Variants in PRSS50 observed in about 807,000 individuals in gnomAD.
PRSS50 encodes the protein probable threonine protease PRSS50.
A neutral mutation model predicts 34.2 loss-of-function variants in PRSS50; 23 were observed. The observed-to-expected ratio is 0.67, with a 90% CI of 0.48 to 0.95. PRSS50 has a LOEUF of 0.95. Ranked by LOEUF, PRSS50 falls within the 40% of genes least tolerant of loss-of-function variation. PRSS50 has a pLI of 0.00. For synonymous variants in PRSS50, 224 were observed against 211.2 expected (o/e 1.06, Z -0.53); for missense variants, 484 against 513.4 (o/e 0.94, Z 0.55).
Position 46,717,478 on chromosome 3 carries a change from G to T in PRSS50, c.266C>A (p.Thr89Asn). 6.2e-7 allele frequency: 1 copy of T among 1,613,920 alleles called. No homozygotes were observed. The highest frequency in any genetic ancestry group is 8.5e-7 in the Non-Finnish European group (1 of 1,180,010). ...TQTLPSTTMETQFPVSEGKVD... is the reference protein window; with the variant it reads ...TQTLPSTTMENQFPVSEGKVD... The stretch of plus-strand genomic sequence containing the variant: ...TTTGCCTTCAGAAACTGGGAATTGG[G>T]TCTCCATGGTGGTCGAGGGCAGTGT... Residue 89 changes from threonine (T) to asparagine (N), a missense_variant, in exon 2 of 6, where the codon ACC becomes AAC. Thr to Asn is a moderately conservative substitution (Grantham distance 65). Coordinates refer to ENST00000315170, the MANE Select transcript of PRSS50 (RefSeq NM_013270.5). This position sits in a 1 kb window ranked among gnomAD's most constrained non-coding sequence, Gnocchi z 4.5.
At position 46,712,230 on chromosome 3, in the gene PRSS50, G is replaced by A; in HGVS notation, c.*16C>T. On this transcript the variant is annotated 3_prime_UTR_variant, in exon 6 of 6. Coordinates refer to ENST00000315170, the MANE Select transcript of PRSS50 (RefSeq NM_013270.5). Reference sequence around the variant, plus strand: ...GGAGGCAAGGGGGGCCCACAAGTGAGGGAGGGCACACAGAGTCAGAGGGCA... The same window carrying A: ...GGAGGCAAGGGGGGCCCACAAGTGAAGGAGGGCACACAGAGTCAGAGGGCA... 1 of 1,589,670 alleles carries A rather than the reference G, an allele frequency of 6.3e-7. No homozygotes were observed. Among genetic ancestry groups the A allele is most frequent in the African/African-American group, 1.3e-5 (1 of 74,588 alleles).
At chr3:46,714,836 T>C (rs1175606663) in intron 3 of PRSS50, among the ~76,000 whole-genome samples, 1 of 152,330 alleles carries the variant, frequency 6.6e-6, no homozygotes, top group East Asian at 1.9e-4. Context: ...GTCCATAGCA[T>C]GGACTCTTTC....
chr3:46,716,380 T>C lies in PRSS50; in HGVS notation c.308-683A>G, dbSNP rs972436674. On this transcript the variant is annotated intron_variant, in intron 2 of 5. Transcript: ENST00000315170. The surrounding 1 kb of genome is among the most constrained non-coding windows in gnomAD (Gnocchi z 4.4). ...AAATGATCTTCCCACCTCAGCCTCC[T>C]GAATAGCTGGGACTACAGGCACACA... Among the ~76,000 whole-genome samples, 2 of 152,162 alleles carry C rather than the reference T, an allele frequency of 1.3e-5. No individual in the cohort carries two copies. Among genetic ancestry groups the C allele is most frequent in the African/African-American group, 4.8e-5 (2 of 41,438 alleles).
At position 46,713,598 on chromosome 3, in the gene PRSS50, G is replaced by A. The variant is rs150355051; in HGVS notation, c.755-531C>T. Among the ~76,000 whole-genome samples the A allele has an allele frequency of 9.1e-4, 138 of 152,384 alleles. 2 individuals carry two copies. Among genetic ancestry groups the A allele is most frequent in the African/African-American group, 3.2e-3 (135 of 41,596 alleles). ...ACATGGGCTGAAGCCCCCTTGAGCT[G>A]TTTTGAGAGTAAGTTGGTTCCTTGA... On this transcript the variant is annotated intron_variant, in intron 4 of 5. Coordinates refer to ENST00000315170, the MANE Select transcript of PRSS50 (RefSeq NM_013270.5).
chr3:46,716,099 C>G lies in PRSS50; in HGVS notation c.308-402G>C, dbSNP rs1374484726. On this transcript the variant is annotated intron_variant, in intron 2 of 5. Coordinates refer to ENST00000315170, the MANE Select transcript of PRSS50 (RefSeq NM_013270.5). The surrounding 1 kb of genome is among the most constrained non-coding windows in gnomAD (Gnocchi z 4.4). ...GAGCTCTCTCCCTCCTCTGGGAACC[C>G]CTTTCTGTGGCTCAGTGAGAGGAAA... Among the ~76,000 whole-genome samples the G allele has an allele frequency of 6.6e-6, 1 of 152,188 alleles. No homozygotes were observed. Among genetic ancestry groups the G allele is most frequent in the African/African-American group, 2.4e-5 (1 of 41,444 alleles).
chr3:46,716,044 C>T lies in PRSS50; in HGVS notation c.308-347G>A, dbSNP rs1700679905. On this transcript the variant is annotated intron_variant, in intron 2 of 5. Coordinates refer to ENST00000315170, the MANE Select transcript of PRSS50 (RefSeq NM_013270.5). The surrounding 1 kb of genome is among the most constrained non-coding windows in gnomAD (Gnocchi z 4.4). ...GTTCTCATTTCCACCTGGTTCCACC[C>T]TCACCATGTCCCCTACTTCAGCCAA... Among the ~76,000 whole-genome samples the T allele has an allele frequency of 6.6e-6, 1 of 152,216 alleles. No homozygotes were observed. Among genetic ancestry groups the T allele is most frequent in the Non-Finnish European group, 1.5e-5 (1 of 68,042 alleles).
chr3:46,712,487 G>A lies in PRSS50; in HGVS notation c.922-5C>T, dbSNP rs148857824. The stretch of plus-strand genomic sequence containing the variant: ...CAAGGGCTCTCCAGTTAGCTCCTGT[G>A]GGAAGGGTTGGGGGAGTAAGGGTCA... On this transcript the variant is annotated splice_polypyrimidine_tract_variant and splice_region_variant and intron_variant, in intron 5 of 5. Transcript: ENST00000315170. The A allele has an allele frequency of 6.6e-4, 1,073 of 1,613,586 alleles. 4 individuals are homozygous for A. Among genetic ancestry groups the A allele is most frequent in the Admixed American group, 6.7e-5 (4 of 60,000 alleles).
intron 5 of PRSS50, among the ~76,000 whole-genome samples, 170 bp downstream of exon 5, chr3:46,712,730 GC>G (rs1229350583): frequency 1.4e-5 from 1 of 73,342 alleles, no homozygotes; most frequent in Non-Finnish European, 2.7e-5. Context: ...CCCATTCCCA[GC>G]CCCCATCTGT....
Position 46,717,326 on chromosome 3 carries a change from T to G in PRSS50, c.307+111A>C. 2.4e-6 allele frequency: 3 copies of G among 1,225,830 alleles called. No individual in the cohort carries two copies. Among genetic ancestry groups the G allele is most frequent in the Middle Eastern group, 2.7e-4 (1 of 3,700 alleles). The allele number at this position is 1,225,830 out of a possible 1,614,324, so 75.9% of individuals were successfully genotyped here. ...AATGAACACCTGTAGAAGGAGGCGC[T>G]CCTCTATCCTGCTCGCCCCCGTCCC... is the stretch of plus-strand genomic sequence containing the variant. On this transcript the variant is annotated intron_variant, in intron 2 of 5. Coordinates refer to ENST00000315170, the MANE Select transcript of PRSS50 (RefSeq NM_013270.5). This position sits in a 1 kb window ranked among gnomAD's most constrained non-coding sequence, Gnocchi z 4.5.
In PRSS50 at chr3:46,712,157, C is replaced by T; in HGVS notation, c.*89G>A. 8.5e-7 allele frequency: 1 copy of T among 1,175,582 alleles called. No homozygotes were observed. Among genetic ancestry groups the T allele is most frequent in the South Asian group, 1.5e-5 (1 of 67,880 alleles). 72.8% of individuals were successfully genotyped at this position (1,175,582 alleles called of 1,614,324 possible). On this transcript the variant is annotated 3_prime_UTR_variant, in exon 6 of 6. Transcript: ENST00000315170. ...TGTTTAATTGAGCACCTCATCTCCACCCTGACTCTCAGGGCTGTGACAGCT... is the reference window on the plus strand; with the variant it reads ...TGTTTAATTGAGCACCTCATCTCCATCCTGACTCTCAGGGCTGTGACAGCT...
Position 46,712,223 on chromosome 3 carries a change from CA to C in PRSS50, c.*22del. ...TGGGCACGGAGGCAAGGGGGGCCCA[CA>C]AGTGAGGGAGGGCACACAGAGTCAG... On this transcript the variant is annotated 3_prime_UTR_variant, in exon 6 of 6. Coordinates refer to ENST00000315170, the MANE Select transcript of PRSS50 (RefSeq NM_013270.5). 6.3e-7 allele frequency: 1 copy of C among 1,584,654 alleles called. No individual in the cohort carries two copies. The highest frequency in any genetic ancestry group is 1.3e-5 in the African/African-American group (1 of 74,526).
chr3:46,717,842 C>T lies in PRSS50; in HGVS notation c.-18G>A. 6.8e-7 allele frequency: 1 copy of T among 1,479,938 alleles called. No homozygotes were observed. Among genetic ancestry groups the T allele is most frequent in the Non-Finnish European group, 8.9e-7 (1 of 1,117,796 alleles). The allele number at this position is 1,479,938 out of a possible 1,614,324, so 91.7% of individuals were successfully genotyped here. ...CGACCCATCCCGGGGTGGCAGCCGACTGCGTCTCTCCGGAAGGCGCTCCCA... is the reference window on the plus strand; with the variant it reads ...CGACCCATCCCGGGGTGGCAGCCGATTGCGTCTCTCCGGAAGGCGCTCCCA... On this transcript the variant is annotated 5_prime_UTR_variant, in exon 1 of 6. Transcript: ENST00000315170. The surrounding 1 kb of genome is among the most constrained non-coding windows in gnomAD (Gnocchi z 4.5).
intron 4 of PRSS50, among the ~76,000 whole-genome samples, chr3:46,713,808 C>G (rs1700646950): frequency 6.6e-6 from 1 of 152,232 alleles, no homozygotes; most frequent in African/African-American, 2.4e-5. Flanking sequence ...CTGCAGACGG[C>G]CCCTAGCCAG....
Position 46,715,582 on chromosome 3 carries a change from G to C in PRSS50, c.423C>G (p.Thr141=). 1 of 1,613,856 alleles carries C rather than the reference G, an allele frequency of 6.2e-7. No individual in the cohort carries two copies. Among genetic ancestry groups the C allele is most frequent in the Non-Finnish European group, 8.5e-7 (1 of 1,179,850 alleles). Residue 141 remains threonine, a synonymous_variant, in exon 3 of 6, where the codon ACC becomes ACG. Transcript: ENST00000315170. This position sits in a 1 kb window ranked among gnomAD's most constrained non-coding sequence, Gnocchi z 5.2. Reference sequence around the variant, plus strand: ...TCAGCACCCACTGGGAGGCAATGATGGTGCCGGCACAGATGTGTGTGCCAT... The same window carrying C: ...TCAGCACCCACTGGGAGGCAATGATCGTGCCGGCACAGATGTGTGTGCCAT... ...RANGTHICAG[T]IIASQWVLTV...
In PRSS50 at chr3:46,717,799, G is replaced by C. The variant is rs1412540543; in HGVS notation, c.26C>G (p.Ala9Gly). Reference sequence around the variant, plus strand: ...AGACGTCCGGGGGCGCTGCCCGCGCGCGACGGTCTGGCACCAGCGACCCAT... The same window carrying C: ...AGACGTCCGGGGGCGCTGCCCGCGCCCGACGGTCTGGCACCAGCGACCCAT... MGRWCQTVARGQRPRTSAP... is the reference protein window; with the variant it reads MGRWCQTVGRGQRPRTSAP... The change falls in exon 1 of 6, where the codon GCG becomes GGG. Residue 9 changes from alanine to glycine, a missense_variant. Transcript: ENST00000315170. This position sits in a 1 kb window ranked among gnomAD's most constrained non-coding sequence, Gnocchi z 4.5. 6.5e-7 allele frequency: 1 copy of C among 1,543,234 alleles called. No individual in the cohort carries two copies. Among genetic ancestry groups the C allele is most frequent in the East Asian group, 2.4e-5 (1 of 41,096 alleles).
intron 4 of PRSS50, 108 bp downstream of exon 4, chr3:46,714,110 G>A: frequency 1.4e-6 from 2 of 1,410,742 alleles, no homozygotes; most frequent in Non-Finnish European, 1.9e-6. Context: ...GGAGCGGCAG[G>A]CTCCCTGGGG....
chr3:46,713,354 C>T lies in PRSS50; in HGVS notation c.755-287G>A, dbSNP rs539232656. ...ACTCGGCCTCTTGGCTTTTGCCACT[C>T]CTTCCCTCCTGAGGGCCTGCCAAGC... On this transcript the variant is annotated intron_variant, in intron 4 of 5. Transcript: ENST00000315170. Among the ~76,000 whole-genome samples the T allele has an allele frequency of 9.2e-5, 14 of 152,358 alleles. No homozygotes were observed. The South Asian group carries it at 2.5e-3, about 27-fold the overall frequency.
chr3:46,713,183 C>A lies in PRSS50; in HGVS notation c.755-116G>T, dbSNP rs1700640950. The A allele has an allele frequency of 3.1e-6, 4 of 1,279,414 alleles. No homozygotes were observed. The South Asian group carries it at 4.0e-5, about 13-fold the overall frequency. 79.3% of individuals were successfully genotyped at this position (1,279,414 alleles called of 1,614,324 possible). A position where few individuals can be genotyped will look rare whatever the true frequency, so the allele number is the denominator to read the frequency against. Reference sequence around the variant, plus strand: ...CCACCTTTTCTGCTTTAGCCACACACCTCTGCCCTCGTTCTAGCCCATACC... The same window carrying A: ...CCACCTTTTCTGCTTTAGCCACACAACTCTGCCCTCGTTCTAGCCCATACC... On this transcript the variant is annotated intron_variant, in intron 4 of 5. Coordinates refer to ENST00000315170, the MANE Select transcript of PRSS50 (RefSeq NM_013270.5).
In PRSS50 at chr3:46,712,369, C is replaced by A. The variant is rs1253319349; in HGVS notation, c.1035G>T (p.Gln345His). ...QKSEAPPIYLQVSSYQHWIWD... is the reference protein window; with the variant it reads ...QKSEAPPIYLHVSSYQHWIWD... ...AGATCCAGTGTTGGTAGGAGGAGAC[C>A]TGTAGGTAGATGGGTGGGGCCTCGC... Residue 345 changes from glutamine (Q) to histidine (H), a missense_variant, in exon 6 of 6, where the codon CAG (glutamine) becomes CAT (histidine). Coordinates refer to ENST00000315170, the MANE Select transcript of PRSS50 (RefSeq NM_013270.5). 2 of 1,613,936 alleles carry A rather than the reference C, an allele frequency of 1.2e-6. No homozygotes were observed. The highest frequency in any genetic ancestry group is 1.7e-5 in the Admixed American group (1 of 60,008).
Sources: allele counts gnomAD v4.1 joint callset (sites outside exome capture counted in the v4.1 genomes callset), GRCh38; gene constraint gnomAD v4.1.1; non-coding constraint Gnocchi (gnomAD v3.1); transcripts MANE v1.5; gene names NCBI Gene and HGNC (gene_info 2026-07-23, HGNC 2026-07-21).